EFCAB8: variants seen among roughly 807,000 people sequenced by gnomAD.
EFCAB8 encodes the protein EF-hand calcium-binding domain-containing protein 8.
Under a neutral mutation model 116.3 loss-of-function variants are expected in EFCAB8, and 100 were observed. The observed-to-expected ratio is 0.86, with a 90% confidence interval of 0.73 to 1.02. The LOEUF is 1.02. Among genes scored for constraint, EFCAB8 ranks in the 50% least tolerant of loss-of-function variants. EFCAB8 has a pLI of 0.00. For synonymous variants in EFCAB8, 558 were observed against 567.9 expected (o/e 0.98, Z 0.25); for missense variants, 1,320 against 1,416.9 (o/e 0.93, Z 1.10).
At chr20:32,859,109 T>C in intron 1 of EFCAB8, 103 bp downstream of exon 1, 1 of 458,372 alleles carries the variant, frequency 2.2e-6, no homozygotes. Flanking sequence ...CTTATCTGTG[T>C]CCTGGCTGGC....
Position 32,885,580 on chromosome 20 carries a change from C to G in EFCAB8, c.507C>G (p.Val169=). 1 of 1,551,796 alleles carries G rather than the reference C, an allele frequency of 6.4e-7. No individual in the cohort carries two copies. Among genetic ancestry groups the G allele is most frequent in the Non-Finnish European group, 8.7e-7 (1 of 1,147,022 alleles). ...RFKKIGCFLT[V]TKDGILQFWS... Reference sequence around the variant, plus strand: ...AGAAGATCGGGTGTTTCCTGACTGTCACCAAAGACGGGATCCTGCAGTTCT... The same window carrying G: ...AGAAGATCGGGTGTTTCCTGACTGTGACCAAAGACGGGATCCTGCAGTTCT... Residue 169 remains valine (V), a synonymous_variant, in exon 6 of 27, where the codon GTC becomes GTG. Transcript: ENST00000400522.
chr20:32,960,329 G>A (rs966855429), intron 26 of EFCAB8, among the ~76,000 whole-genome samples, 168 bp downstream of exon 26: 1 of 152,198 alleles, frequency 6.6e-6, no homozygotes, highest in East Asian at 1.9e-4. Flanking sequence ...TGAGACTAAT[G>A]TGGCCAGTTT....
intron 26 of EFCAB8, 48 bp downstream of exon 26, chr20:32,960,209 G>A: frequency 6.6e-7 from 1 of 1,513,108 alleles, no homozygotes; most frequent in Non-Finnish European, 9.0e-7. Flanking sequence ...CAGGGGCCAG[G>A]GGATCCCATG....
At chr20:32,920,468 G>T (rs1450018292) in intron 20 of EFCAB8, among the ~76,000 whole-genome samples, 2 of 152,310 alleles carry the variant, frequency 1.3e-5, no homozygotes, top group South Asian at 2.1e-4. Flanking sequence ...AGAAAAAGAG[G>T]TTTAACTGGA....
intron 11 of EFCAB8, among the ~76,000 whole-genome samples, chr20:32,900,010 T>G (rs1568918373): frequency 1.3e-5 from 2 of 152,148 alleles, no homozygotes; most frequent in Admixed American, 1.3e-4. Flanking sequence ...GTCTTTACCT[T>G]GAGCCTTTGG....
chr20:32,931,184 G>A lies in EFCAB8; in HGVS notation c.2638G>A (p.Asp880Asn), dbSNP rs1192586985. The A allele has an allele frequency of 6.5e-7, 1 of 1,541,994 alleles. No individual in the cohort carries two copies. The highest frequency in any genetic ancestry group is 8.8e-7 in the Non-Finnish European group (1 of 1,142,520). Residue 880 changes from aspartate to asparagine, a missense_variant, in exon 22 of 27, where the codon GAC (aspartate) becomes AAC (asparagine). Asp to Asn is a conservative substitution (Grantham distance 23). Transcript: ENST00000400522. ...GDCKGYIKIW[D>N]IKDYCALIDK... ...ACCCACACTTTATGTCTAGATCTGG[G>A]ACATCAAGGATTACTGCGCATTGAT...
Position 32,949,995 on chromosome 20 carries a change from G to A in EFCAB8, c.2959+6191G>A, listed in dbSNP as rs28885496. ...AGCCTGGGCAACAGAGCAAGACTCT[G>A]TCTCAAAAACAAACAAAACAACAAA... is the stretch of plus-strand genomic sequence containing the variant. On this transcript the variant is annotated intron_variant, in intron 23 of 26. Transcript: ENST00000400522. 7.7e-3 allele frequency among the ~76,000 whole-genome samples: 810 copies of A among 105,798 alleles called. 8 individuals are homozygous for A. The highest frequency in any genetic ancestry group is 0.029 in the African/African-American group (771 of 26,818). The allele number at this position is 105,798 out of a possible 152,430, so 69.4% of individuals were successfully genotyped here. A position where few individuals can be genotyped will look rare whatever the true frequency, so the allele number is the denominator to read the frequency against.
rs556141292 is a variant in EFCAB8, at chr20:32,910,443, G to A, written c.1557+512G>A. Among the ~76,000 whole-genome samples the A allele has an allele frequency of 1.6e-3, 248 of 152,252 alleles. 1 individual carries two copies. The highest frequency in any genetic ancestry group is 5.7e-3 in the African/African-American group (238 of 41,548). On this transcript the variant is annotated intron_variant, in intron 15 of 26. Transcript: ENST00000400522. ...TGAGGAGTTGCTTCTGAGGTGTGAG[G>A]ATAGGAGGGGCTGCTGCCTGAGGCC...
At chr20:32,862,973 G>C (rs115408339) in intron 1 of EFCAB8, among the ~76,000 whole-genome samples, 140 of 151,570 alleles carry the variant, frequency 9.2e-4, no homozygotes, top group African/African-American at 3.2e-3. Context: ...TGTTCAGACT[G>C]TCTGGCCAGG....
At chr20:32,954,985 A>G (rs1206534974) in intron 23 of EFCAB8, among the ~76,000 whole-genome samples, 3 of 135,824 alleles carry the variant, frequency 2.2e-5, no homozygotes, top group Non-Finnish European at 4.7e-5. Flanking sequence ...TTGAGTGCCC[A>G]AAACCTTCTT....
chr20:32,885,455 C>T, intron 5 of EFCAB8, 50 bp from the exon 6 acceptor site: 1 of 1,548,058 alleles, frequency 6.5e-7, no homozygotes. Flanking sequence ...GGTGCCCCCT[C>T]CCTGAGCTGT....
Position 32,906,960 on chromosome 20 carries a change from A to G in EFCAB8, c.1274A>G (p.Asn425Ser), listed in dbSNP as rs555293676. ...SVTHILVDSR[N>S]NSILISVSKD... is the part of the protein sequence containing the mutation. ...ACGCACATCCTTGTGGATAGCAGGAACAACAGCATCCTCATCAGTGTCTCC... is the reference window on the plus strand; with the variant it reads ...ACGCACATCCTTGTGGATAGCAGGAGCAACAGCATCCTCATCAGTGTCTCC... Residue 425 changes from asparagine (N) to serine (S), a missense_variant, in exon 13 of 27, where the codon AAC (asparagine) becomes AGC (serine). Asn to Ser is a conservative substitution (Grantham distance 46, BLOSUM62 1). Coordinates refer to ENST00000400522, the MANE Select transcript of EFCAB8 (RefSeq NM_001143967.2). The G allele has an allele frequency of 7.1e-6, 11 of 1,539,106 alleles. No individual in the cohort carries two copies. The Admixed American group carries it at 1.4e-4, about 20-fold the overall frequency.
At chr20:32,920,602 C>T (rs1987405651) in intron 20 of EFCAB8, among the ~76,000 whole-genome samples, 1 of 152,168 alleles carries the variant, frequency 6.6e-6, no homozygotes, top group Admixed American at 6.5e-5. Flanking sequence ...ATAAACCCAT[C>T]AGATCTCGCT....
intron 22 of EFCAB8, among the ~76,000 whole-genome samples, chr20:32,939,115 C>G (rs184175865): frequency 4.9e-5 from 6 of 122,428 alleles, no homozygotes; most frequent in Admixed American, 8.3e-5. Context: ...CTTTCTTTCT[C>G]TCTTTCTTTC....
chr20:32,868,302 C>T (rs892766353), intron 3 of EFCAB8, among the ~76,000 whole-genome samples: 1 of 152,092 alleles, frequency 6.6e-6, no homozygotes, highest in African/African-American at 2.4e-5. Context: ...GCTCAAGCAG[C>T]GCCTTCTGCC....
chr20:32,884,168 TTGG>T (rs1268682765), intron 5 of EFCAB8, among the ~76,000 whole-genome samples: 1 of 152,198 alleles, frequency 6.6e-6, no homozygotes, highest in African/African-American at 2.4e-5. Context: ...CATTTCCAAC[TTGG>T]TGGGGAAAAT....
chr20:32,945,822 CG>C (rs1240330908), intron 23 of EFCAB8, among the ~76,000 whole-genome samples: 1 of 152,168 alleles, frequency 6.6e-6, no homozygotes, highest in Non-Finnish European at 1.5e-5. Context: ...ACCAGACTTA[CG>C]CATGTAAATT....
intron 11 of EFCAB8, among the ~76,000 whole-genome samples, chr20:32,899,567 T>G (rs1031130039): frequency 6.6e-6 from 1 of 152,136 alleles, no homozygotes; most frequent in African/African-American, 2.4e-5. Context: ...CCACCACTTC[T>G]GGTTTTTTTT....
chr20:32,910,149 A>G (rs62207464), intron 15 of EFCAB8, among the ~76,000 whole-genome samples: 2,150 of 152,292 alleles, frequency 0.014, 16 homozygotes, highest in Middle Eastern at 0.048. Flanking sequence ...TCCGTTAGCC[A>G]TGGGATCGCC....
Sources: gnomAD v4.1 joint callset for allele counts (sites outside exome capture counted in the v4.1 genomes callset) on GRCh38, gnomAD v4.1.1 for gene constraint, MANE v1.5 for transcripts, NCBI Gene and HGNC (gene_info 2026-07-23, HGNC 2026-07-21) for gene names.